Variants in GALNT13 observed in about 807,000 individuals in gnomAD.
GALNT13 encodes polypeptide N-acetylgalactosaminyltransferase 13.
In GALNT13, 28 loss-of-function variants were observed where a neutral mutation model predicts 64.2. The ratio of observed to expected loss-of-function variants is 0.44; its 90% confidence interval spans 0.32 to 0.60. The LOEUF (loss-of-function observed/expected upper bound fraction) is 0.60, where lower values mean the gene tolerates loss of function less well. Ranked by LOEUF, GALNT13 falls within the 20% of genes least tolerant of loss-of-function variation. The pLI is 0.05. For synonymous variants in GALNT13, 214 were observed against 224.6 expected (o/e 0.95, Z 0.42); for missense variants, 577 against 669.8 (o/e 0.86, Z 1.53).
chr2:153,578,502 A>C, the GALNT13 span, among the ~76,000 whole-genome samples: 1 of 152,210 alleles, frequency 6.6e-6, no homozygotes, highest in African/African-American at 2.4e-5. Context: ...TCACAAAAAG[A>C]AACTAATGTG....
the GALNT13 span, among the ~76,000 whole-genome samples, chr2:153,185,115 G>A: frequency 4.6e-5 from 7 of 152,174 alleles, no homozygotes; most frequent in East Asian, 1.9e-4. Context: ...TTGGTAGGCT[G>A]TTTATTACTG....
chr2:153,504,725 G>C, the GALNT13 span, among the ~76,000 whole-genome samples: 18 of 152,276 alleles, frequency 1.2e-4, no homozygotes, highest in Admixed American at 1.2e-3. Flanking sequence ...AGCATCCCTG[G>C]TATGAAACCC....
At chr2:153,332,231 T>C in the GALNT13 span, among the ~76,000 whole-genome samples, 1 of 152,210 alleles carries the variant, frequency 6.6e-6, no homozygotes, top group Non-Finnish European at 1.5e-5. Flanking sequence ...TGGGGTTAGC[T>C]TGTTCTTGTT....
chr2:153,585,859 G>A, the GALNT13 span, among the ~76,000 whole-genome samples: 1 of 151,786 alleles, frequency 6.6e-6, no homozygotes, highest in Non-Finnish European at 1.5e-5. Context: ...GAAATATTAA[G>A]TATCATAAAG....
the GALNT13 span, among the ~76,000 whole-genome samples, chr2:153,526,915 T>C: frequency 1.3e-5 from 2 of 152,208 alleles, no homozygotes; most frequent in East Asian, 3.9e-4. Context: ...TGAAGAAGCA[T>C]CAGAGTCTTT....
At chr2:153,854,190 A>G in the GALNT13 span, among the ~76,000 whole-genome samples, 1 of 152,050 alleles carries the variant, frequency 6.6e-6, no homozygotes, top group South Asian at 2.1e-4. Context: ...TGCTAGATAC[A>G]ATGTTGCCAG....
intron 4 of GALNT13, among the ~76,000 whole-genome samples, chr2:154,147,773 T>C (rs1342311950): frequency 1.3e-5 from 2 of 152,080 alleles, no homozygotes; most frequent in Non-Finnish European, 2.9e-5. Context: ...TAAATCTACC[T>C]GGTAATCATA....
At chr2:153,795,939 G>A in the GALNT13 span, among the ~76,000 whole-genome samples, 3 of 152,172 alleles carry the variant, frequency 2.0e-5, no homozygotes, top group Non-Finnish European at 2.9e-5. Context: ...CTTAGAATTA[G>A]TACATGCTCT....
chr2:154,436,048 G>A (rs756533825), intron 11 of GALNT13: 3 of 151,982 alleles, frequency 2.0e-5, no homozygotes, highest in Admixed American at 6.6e-5. Flanking sequence ...GCATACAAAC[G>A]AGATTATTTC....
intron 9 of GALNT13, among the ~76,000 whole-genome samples, chr2:154,305,282 G>T (rs955128310): frequency 6.6e-6 from 1 of 152,140 alleles, no homozygotes; most frequent in African/African-American, 2.4e-5. Flanking sequence ...GGGTGAGTTT[G>T]TAAAGAGAGA....
chr2:153,467,151 A>T, the GALNT13 span, among the ~76,000 whole-genome samples: 1 of 152,098 alleles, frequency 6.6e-6, no homozygotes, highest in African/African-American at 2.4e-5. Flanking sequence ...ATATGTGAAC[A>T]TTAGAGACCT....
chr2:153,231,148 C>T, the GALNT13 span, among the ~76,000 whole-genome samples: 1 of 152,072 alleles, frequency 6.6e-6, no homozygotes, highest in African/African-American at 2.4e-5. Flanking sequence ...GGAGATACTC[C>T]CAGGAATGTA....
At chr2:153,459,396 C>T in the GALNT13 span, among the ~76,000 whole-genome samples, 1 of 151,990 alleles carries the variant, frequency 6.6e-6, no homozygotes, top group South Asian at 2.1e-4. Flanking sequence ...AGGGAGGATC[C>T]ACTGAGCCCA....
the GALNT13 span, among the ~76,000 whole-genome samples, chr2:153,715,662 G>A: frequency 1.3e-5 from 2 of 152,172 alleles, no homozygotes; most frequent in Admixed American, 1.3e-4. Flanking sequence ...AAGCATTCCA[G>A]CAGGCTTGGC....
chr2:153,877,273 G>C (rs1686443972), intron 1 of GALNT13, among the ~76,000 whole-genome samples: 1 of 152,052 alleles, frequency 6.6e-6, no homozygotes, highest in Non-Finnish European at 1.5e-5. Context: ...AACATGAAGA[G>C]GAATTAATTG....
chr2:154,079,851 A>G (rs1701181859), intron 3 of GALNT13, among the ~76,000 whole-genome samples: 1 of 151,760 alleles, frequency 6.6e-6, no homozygotes, highest in African/African-American at 2.4e-5. Flanking sequence ...AGAAAATTAA[A>G]GCAAAGTAAA....
intron 3 of GALNT13, among the ~76,000 whole-genome samples, chr2:153,954,392 C>T (rs766241924): frequency 2.1e-4 from 32 of 151,908 alleles, no homozygotes; most frequent in Non-Finnish European, 4.0e-4. Flanking sequence ...ATATATGTCC[C>T]GGATAATTTT....
At chr2:154,289,982 G>C (rs533142205) in intron 8 of GALNT13, among the ~76,000 whole-genome samples, 1 of 152,276 alleles carries the variant, frequency 6.6e-6, no homozygotes, top group African/African-American at 2.4e-5. Flanking sequence ...GTTCCCTGTG[G>C]TCTAGGAGAC....
Position 154,157,691 on chromosome 2 carries a change from C to T in GALNT13, c.311+17186C>T, listed in dbSNP as rs543937664. Among the ~76,000 whole-genome samples the T allele has an allele frequency of 1.1e-4, 17 of 152,248 alleles. No homozygotes were observed. The South Asian group carries it at 3.3e-3, about 30-fold the overall frequency. ...GGCTGTCACTCTCTTGAGCCATCTC[C>T]GTACCACCATTTTGTTTTGAATTCC... is the stretch of plus-strand genomic sequence containing the variant. On this transcript the variant is annotated intron_variant, in intron 4 of 12. Transcript: ENST00000392825.
Sources: gnomAD v4.1 joint callset for allele counts (sites outside exome capture counted in the v4.1 genomes callset) on GRCh38, gnomAD v4.1.1 for gene constraint, MANE v1.5 for transcripts, NCBI Gene and HGNC (gene_info 2026-07-23, HGNC 2026-07-21) for gene names.